CACNA1H: variants seen among roughly 807,000 people sequenced by gnomAD.
CACNA1H encodes calcium voltage-gated channel subunit alpha1 H.
A neutral mutation model predicts 192.5 loss-of-function variants in CACNA1H; 149 were observed. The ratio of observed to expected loss-of-function variants is 0.77; its 90% confidence interval spans 0.68 to 0.89. The LOEUF (loss-of-function observed/expected upper bound fraction) is 0.89, where lower values mean the gene tolerates loss of function less well. Ranked by LOEUF, CACNA1H falls within the 40% of genes least tolerant of loss-of-function variation. The pLI, the probability that CACNA1H is intolerant of heterozygous loss-of-function variation, is 0.00. For missense variants in CACNA1H, 4,257 were observed against 3,423.5 expected, an observed-to-expected ratio of 1.24 and a Z score of -6.08; for synonymous variants, 2,202 against 1,475.2, an observed-to-expected ratio of 1.49 and a Z score of -11.29.
intron 16 of CACNA1H, among the ~76,000 whole-genome samples, chr16:1,208,465 C>T (rs1969022479): frequency 6.6e-6 from 1 of 152,178 alleles, no homozygotes; most frequent in Non-Finnish European, 1.5e-5. Flanking sequence ...GCAGAGTGCA[C>T]AGCGCACAGC....
At chr16:1,186,817 C>G (rs950394801) in intron 2 of CACNA1H, among the ~76,000 whole-genome samples, 1 of 152,320 alleles carries the variant, frequency 6.6e-6, no homozygotes, top group Non-Finnish European at 1.5e-5. Flanking sequence ...CGCCCTGGTT[C>G]TCAGGGCCGT....
In CACNA1H at chr16:1,206,457, C is replaced by T. The variant is rs569996817; in HGVS notation, c.2789+168C>T. On this transcript the variant is annotated intron_variant, in intron 12 of 34. Transcript: ENST00000348261. ...TTCATTTGAGAAGCACTGATTGGGC[C>T]CCTACTGTGTGCCACGTGTTAGACA... is the stretch of plus-strand genomic sequence containing the variant. 39 of 646,556 alleles carry T rather than the reference C, an allele frequency of 6.0e-5. No homozygotes were observed. The South Asian group carries it at 6.2e-4, about 10-fold the overall frequency. The allele number at this position is 646,556 out of a possible 1,614,324, so 40.1% of individuals were successfully genotyped here.
In CACNA1H at chr16:1,194,961, C is replaced by G. The variant is rs533023495; in HGVS notation, c.300-11C>G. 7.5e-6 allele frequency: 12 copies of G among 1,599,636 alleles called. No homozygotes were observed. The South Asian group carries it at 9.9e-5, about 13-fold the overall frequency. ...GGCCGCGCCGGTGTGCTCCTTAACCCGCGGCGACACATGGTTCGAGCACGT... is the reference window on the plus strand; with the variant it reads ...GGCCGCGCCGGTGTGCTCCTTAACCGGCGGCGACACATGGTTCGAGCACGT... On this transcript the variant is annotated splice_polypyrimidine_tract_variant and intron_variant, in intron 2 of 34. Coordinates refer to ENST00000348261, the MANE Select transcript of CACNA1H (RefSeq NM_021098.3).
chr16:1,155,733 G>A (rs1402663277), intron 2 of CACNA1H, among the ~76,000 whole-genome samples: 1 of 152,184 alleles, frequency 6.6e-6, no homozygotes, highest in Non-Finnish European at 1.5e-5. Flanking sequence ...TGGCCCCGGT[G>A]TTCTGGGCTG....
Position 1,153,712 on chromosome 16 carries a change from C to A in CACNA1H, c.-18-8C>A, listed in dbSNP as rs1363630441. The A allele has an allele frequency of 1.7e-6, 2 of 1,198,388 alleles. No homozygotes were observed. The highest frequency in any genetic ancestry group is 2.1e-6 in the Non-Finnish European group (2 of 967,196). The allele number at this position is 1,198,388 out of a possible 1,614,324, so 74.2% of individuals were successfully genotyped here. On this transcript the variant is annotated splice_polypyrimidine_tract_variant and splice_region_variant and intron_variant, in intron 1 of 34. Coordinates refer to ENST00000348261, the MANE Select transcript of CACNA1H (RefSeq NM_021098.3). ...CACCGGCCCCGGGTCACCCCCTGTC[C>A]TCTGCAGGTGCTGCCGGCCGCCACC...
intron 2 of CACNA1H, among the ~76,000 whole-genome samples, chr16:1,188,144 C>T (rs973312878): frequency 4.6e-5 from 7 of 152,242 alleles, no homozygotes; most frequent in Admixed American, 1.3e-4. Context: ...CCCCATGGCC[C>T]TGGCCTGAGG....
Position 1,210,116 on chromosome 16 carries a change from C to T in CACNA1H, c.3826C>T (p.Leu1276Phe), listed in dbSNP as rs770743377. 6 of 1,558,848 alleles carry T rather than the reference C, an allele frequency of 3.8e-6. No homozygotes were observed. The highest frequency in any genetic ancestry group is 4.8e-5 in the East Asian group (2 of 41,388). The change falls in exon 18 of 35, where the codon CTC becomes TTC. Residue 1276 changes from leucine (L) to phenylalanine (F), a missense_variant. Coordinates refer to ENST00000348261, the MANE Select transcript of CACNA1H (RefSeq NM_021098.3). ...GAGCCGCGAGGCCTGGGCCCTCTAC[C>T]TCTTCTCCCCACAGAACCGGTGAGG... ...CRSREAWALY[L>F]FSPQNRFRVS...
chr16:1,154,029 T>C lies in CACNA1H; in HGVS notation c.292T>C (p.Cys98Arg). ...RPRSWCLRLVCNPWFEHVSML... is the reference protein window; with the variant it reads ...RPRSWCLRLVRNPWFEHVSML... ...GCGCAGCTGGTGCCTCCGGCTGGTC[T>C]GCAACCCATATCCTTCCCGGCCGGC... The change falls in exon 2 of 35, where the codon TGC becomes CGC. Residue 98 changes from cysteine (C) to arginine (R), a missense_variant. Physicochemically the swap from Cys to Arg is radical, Grantham distance 180. Transcript: ENST00000348261. The C allele has an allele frequency of 8.5e-7, 1 of 1,169,798 alleles. No individual in the cohort carries two copies. The highest frequency in any genetic ancestry group is 1.1e-6 in the Non-Finnish European group (1 of 933,618). The allele number at this position is 1,169,798 out of a possible 1,614,324, so 72.5% of individuals were successfully genotyped here.
chr16:1,219,287 G>A (rs1204955776), intron 34 of CACNA1H, among the ~76,000 whole-genome samples, 157 bp downstream of exon 34: 3 of 152,198 alleles, frequency 2.0e-5, no homozygotes, highest in Non-Finnish European at 2.9e-5. Flanking sequence ...CTGCTTGGTG[G>A]ATCTTGGAGC....
Position 1,153,708 on chromosome 16 carries a change from T to G in CACNA1H, c.-18-12T>G, listed in dbSNP as rs1961887905. Reference sequence around the variant, plus strand: ...TCGCCACCGGCCCCGGGTCACCCCCTGTCCTCTGCAGGTGCTGCCGGCCGC... The same window carrying G: ...TCGCCACCGGCCCCGGGTCACCCCCGGTCCTCTGCAGGTGCTGCCGGCCGC... On this transcript the variant is annotated splice_polypyrimidine_tract_variant and intron_variant, in intron 1 of 34. Coordinates refer to ENST00000348261, the MANE Select transcript of CACNA1H (RefSeq NM_021098.3). The G allele has an allele frequency of 5.9e-6, 7 of 1,191,052 alleles. No individual in the cohort carries two copies. Among genetic ancestry groups the G allele is most frequent in the Non-Finnish European group, 7.3e-6 (7 of 962,640 alleles). The allele number at this position is 1,191,052 out of a possible 1,614,324, so 73.8% of individuals were successfully genotyped here. A position where few individuals can be genotyped will look rare whatever the true frequency, so the allele number is the denominator to read the frequency against.
chr16:1,183,638 G>A (rs191742930), intron 2 of CACNA1H, among the ~76,000 whole-genome samples: 24 of 152,356 alleles, frequency 1.6e-4, no homozygotes, highest in African/African-American at 4.1e-4. Flanking sequence ...CGGGGGAGGC[G>A]CCGCACTCAG....
intron 27 of CACNA1H, 29 bp downstream of exon 27, chr16:1,213,960 A>G (rs758470213): frequency 8.2e-6 from 13 of 1,582,572 alleles, no homozygotes; most frequent in Non-Finnish European, 1.0e-5. Flanking sequence ...CGAGGGGCCC[A>G]GGGGCTGGGG....
chr16:1,167,511 C>G lies in CACNA1H; in HGVS notation c.299+13475C>G, dbSNP rs1037147431. 3.9e-5 allele frequency among the ~76,000 whole-genome samples: 6 copies of G among 152,164 alleles called. No homozygotes were observed. The highest frequency in any genetic ancestry group is 1.4e-4 in the African/African-American group (6 of 41,434). ...GTGCGGTTGCCATGGGAACCTGTTGCTAATGAATCTCTGGGGTTTCCTGTT... is the reference window on the plus strand; with the variant it reads ...GTGCGGTTGCCATGGGAACCTGTTGGTAATGAATCTCTGGGGTTTCCTGTT... On this transcript the variant is annotated intron_variant, in intron 2 of 34. Transcript: ENST00000348261. This position sits in a 1 kb window ranked among gnomAD's most constrained non-coding sequence, Gnocchi z 4.2.
intron 2 of CACNA1H, among the ~76,000 whole-genome samples, chr16:1,169,881 A>G (rs1348847881): frequency 3.3e-5 from 5 of 152,240 alleles, no homozygotes; most frequent in African/African-American, 4.8e-5. Flanking sequence ...ACCGCCCAGC[A>G]CTGCAGTCAC....
At chr16:1,186,739 C>G (rs1017545914) in intron 2 of CACNA1H, among the ~76,000 whole-genome samples, 1 of 152,206 alleles carries the variant, frequency 6.6e-6, no homozygotes, top group Non-Finnish European at 1.5e-5. Flanking sequence ...GTAATGCTTC[C>G]TGGCCGGTGA....
chr16:1,213,675 A>G (rs1359930445), intron 26 of CACNA1H, 105 bp from the exon 27 acceptor site: 1 of 827,068 alleles, frequency 1.2e-6, no homozygotes, highest in Non-Finnish European at 1.8e-6. Flanking sequence ...GTGGGCCCCC[A>G]ACTTCTACCC....
chr16:1,219,233 G>C (rs970746430), intron 34 of CACNA1H, 103 bp downstream of exon 34: 19 of 1,214,084 alleles, frequency 1.6e-5, no homozygotes, highest in Middle Eastern at 2.5e-4. Flanking sequence ...CAAGGCAGGA[G>C]GAGGGTCGCA....
intron 2 of CACNA1H, among the ~76,000 whole-genome samples, chr16:1,162,333 CCCCCAGCACCT>C (rs1465382924): frequency 6.6e-6 from 1 of 152,112 alleles, no homozygotes; most frequent in Non-Finnish European, 1.5e-5. Flanking sequence ...CTGGGGGAGG[CCCCCAGCACCT>C]GCTTGGCCCT....
chr16:1,214,250 G>T (rs1408240749), intron 27 of CACNA1H, among the ~76,000 whole-genome samples: 1 of 152,224 alleles, frequency 6.6e-6, no homozygotes, highest in Non-Finnish European at 1.5e-5. Context: ...AGGCAGGCCT[G>T]AGGTGGAGTT....
Sources: allele counts gnomAD v4.1 joint callset (sites outside exome capture counted in the v4.1 genomes callset), GRCh38; gene constraint gnomAD v4.1.1; non-coding constraint Gnocchi (gnomAD v3.1); transcripts MANE v1.5; gene names NCBI Gene and HGNC (gene_info 2026-07-23, HGNC 2026-07-21).